Variants in MARCHF1 observed in about 807,000 individuals in gnomAD.
The protein encoded by MARCHF1 is E3 ubiquitin-protein ligase MARCHF1.
MARCHF1 carries 40 observed loss-of-function variants against 54.2 expected under a neutral mutation model. The observed-to-expected ratio is 0.74, with a 90% confidence interval of 0.57 to 0.96. The LOEUF (loss-of-function observed/expected upper bound fraction) is 0.96, where lower values mean the gene tolerates loss of function less well. Among genes scored for constraint, MARCHF1 ranks in the 40% least tolerant of loss-of-function variants. MARCHF1 has a pLI of 0.00. For synonymous variants in MARCHF1, 236 were observed against 236.3 expected (o/e 1.00, Z 0.01); for missense variants, 586 against 656.5 (o/e 0.89, Z 1.17).
intron 1 of MARCHF1, among the ~76,000 whole-genome samples, chr4:164,295,391 G>A (rs1466952866): frequency 1.3e-5 from 2 of 151,696 alleles, no homozygotes; most frequent in Non-Finnish European, 2.9e-5. Context: ...TTACACTAAA[G>A]TGATACATTT....
intron 3 of MARCHF1, among the ~76,000 whole-genome samples, chr4:163,934,625 A>C (rs1277621084): frequency 1.3e-5 from 2 of 148,200 alleles, no homozygotes; most frequent in East Asian, 4.1e-4. Flanking sequence ...CATCTGTTCA[A>C]GTGTGATCAT....
intron 2 of MARCHF1, among the ~76,000 whole-genome samples, chr4:164,060,528 A>G (rs769497293): frequency 1.1e-4 from 16 of 152,150 alleles, no homozygotes; most frequent in Non-Finnish European, 1.8e-4. Flanking sequence ...TGAAGTGTAT[A>G]CAAGTATTTT....
chr4:163,710,811 T>C (rs1331852465), intron 4 of MARCHF1, among the ~76,000 whole-genome samples: 1 of 152,158 alleles, frequency 6.6e-6, no homozygotes, highest in Non-Finnish European at 1.5e-5. Flanking sequence ...GGGCATTCAA[T>C]GATTGCTAAA....
intron 1 of MARCHF1, among the ~76,000 whole-genome samples, chr4:164,146,348 A>G (rs1286296905): frequency 2.0e-5 from 3 of 149,976 alleles, no homozygotes; most frequent in Admixed American, 6.6e-5. Flanking sequence ...GAACCAAAAA[A>G]GAGCCTGCAT....
At chr4:164,162,051 C>T (rs567753527) in intron 1 of MARCHF1, among the ~76,000 whole-genome samples, 6 of 152,116 alleles carry the variant, frequency 3.9e-5, no homozygotes, top group South Asian at 4.1e-4. Context: ...AGAAAGACAA[C>T]GAAAACAGCT....
At chr4:163,533,485 C>T (rs1014431836) in intron 9 of MARCHF1, among the ~76,000 whole-genome samples, 1 of 151,688 alleles carries the variant, frequency 6.6e-6, no homozygotes, top group Non-Finnish European at 1.5e-5. Context: ...AGAGTGAGCC[C>T]CAATGTAACT....
chr4:163,807,355 T>C (rs1748255794), intron 4 of MARCHF1, among the ~76,000 whole-genome samples: 1 of 152,196 alleles, frequency 6.6e-6, no homozygotes, highest in South Asian at 2.1e-4. Context: ...TTTATACTCT[T>C]TCTATGGGTA....
intron 4 of MARCHF1, among the ~76,000 whole-genome samples, chr4:163,804,781 G>A (rs893819400): frequency 1.3e-5 from 2 of 152,116 alleles, no homozygotes; most frequent in African/African-American, 2.4e-5. Context: ...CTGTAGAAAT[G>A]ACTTCACTTG....
Position 164,081,220 on chromosome 4 carries a change from A to C in MARCHF1, c.-248+30368T>G, listed in dbSNP as rs1228819432. Among the ~76,000 whole-genome samples, 67 of 141,316 alleles carry C rather than the reference A, an allele frequency of 4.7e-4. 2 individuals are homozygous for C. The highest frequency in any genetic ancestry group is 1.8e-3 in the African/African-American group (64 of 36,346). The allele number at this position is 141,316 out of a possible 152,430, so 92.7% of individuals were successfully genotyped here. A position where few individuals can be genotyped will look rare whatever the true frequency, so the allele number is the denominator to read the frequency against. On this transcript the variant is annotated intron_variant, in intron 2 of 9. Transcript: ENST00000514618. ...CAGACGCTGTCTCAAAAAAAAAAAA[A>C]AAAAAAAAAAAAAAAAAGAAATATT...
intron 5 of MARCHF1, among the ~76,000 whole-genome samples, chr4:163,659,747 A>G (rs1157685645): frequency 1.3e-5 from 2 of 152,270 alleles, no homozygotes; most frequent in East Asian, 3.9e-4. Flanking sequence ...AAGGATATGA[A>G]CAGACACTTC....
chr4:163,650,557 G>A (rs1742928415), intron 5 of MARCHF1, among the ~76,000 whole-genome samples: 1 of 151,954 alleles, frequency 6.6e-6, no homozygotes, highest in Admixed American at 6.6e-5. Flanking sequence ...GGTGTAAAGT[G>A]TCATAGTACA....
chr4:164,111,748 A>G (rs547663072), intron 1 of MARCHF1, 86 bp from the exon 2 acceptor site: 19 of 151,892 alleles, frequency 1.3e-4, no homozygotes, highest in African/African-American at 4.6e-4. Flanking sequence ...AAGACCACAC[A>G]AATGTTGTAG....
chr4:163,921,163 A>C (rs1392379965), intron 3 of MARCHF1, among the ~76,000 whole-genome samples: 1 of 152,192 alleles, frequency 6.6e-6, no homozygotes, highest in Admixed American at 6.5e-5. Flanking sequence ...TATGAGAAGA[A>C]GTAAAGATAG....
intron 1 of MARCHF1, among the ~76,000 whole-genome samples, chr4:164,329,704 C>A (rs948630992): frequency 1.3e-5 from 2 of 152,128 alleles, no homozygotes; most frequent in African/African-American, 4.8e-5. Context: ...AGAGCAGGCA[C>A]GTCACACGGC....
chr4:163,555,603 A>C (rs916847055), intron 8 of MARCHF1, among the ~76,000 whole-genome samples: 3 of 152,236 alleles, frequency 2.0e-5, no homozygotes, highest in African/African-American at 7.2e-5. Flanking sequence ...AAGAGAAGTC[A>C]GTATATTACT....
chr4:164,234,737 T>A (rs980232396), intron 1 of MARCHF1: 4 of 152,132 alleles, frequency 2.6e-5, no homozygotes, highest in Admixed American at 6.6e-5. Context: ...TTGAGGCATC[T>A]TAAGATCTTA....
intron 1 of MARCHF1, among the ~76,000 whole-genome samples, chr4:164,241,235 C>T (rs1159148616): frequency 6.6e-6 from 1 of 152,134 alleles, no homozygotes; most frequent in African/African-American, 2.4e-5. Flanking sequence ...TCAGCAGTAT[C>T]TATTCCCTAG....
chr4:163,549,050 G>T (rs1232701003), intron 8 of MARCHF1, among the ~76,000 whole-genome samples: 1 of 152,098 alleles, frequency 6.6e-6, no homozygotes, highest in Admixed American at 6.5e-5. Flanking sequence ...TGTTACCATG[G>T]TTACACCTCT....
intron 4 of MARCHF1, among the ~76,000 whole-genome samples, chr4:163,709,757 G>T (rs1561031608): frequency 3.3e-5 from 5 of 152,178 alleles, no homozygotes; most frequent in Admixed American, 6.5e-5. Flanking sequence ...AACTAACCAT[G>T]TGATGGTAAG....
Sources: gnomAD v4.1 joint callset for allele counts (sites outside exome capture counted in the v4.1 genomes callset) on GRCh38, gnomAD v4.1.1 for gene constraint, MANE v1.5 for transcripts, NCBI Gene and HGNC (gene_info 2026-07-23, HGNC 2026-07-21) for gene names.